Variants in RGS7 observed in about 807,000 individuals in gnomAD.
The protein encoded by RGS7 is regulator of G protein signaling 7.
RGS7 carries 27 observed loss-of-function variants against 81.1 expected under a neutral mutation model. The observed-to-expected ratio is 0.33, with a 90% confidence interval of 0.25 to 0.46. The LOEUF (loss-of-function observed/expected upper bound fraction) is 0.46. RGS7 is among the 20% of genes least tolerant of loss of function. RGS7 has a pLI of 1.00. For missense variants in RGS7, 396 were observed against 607.4 expected, an observed-to-expected ratio of 0.65 and a Z score of 3.66; for synonymous variants, 208 against 207.7, an observed-to-expected ratio of 1.00 and a Z score of -0.01.
intron 3 of RGS7, among the ~76,000 whole-genome samples, chr1:241,021,586 T>C (rs2059538793): frequency 6.6e-6 from 1 of 152,094 alleles, no homozygotes; most frequent in Non-Finnish European, 1.5e-5. Flanking sequence ...GCTGACTGAG[T>C]GTCATGTGGA....
intron 4 of RGS7, among the ~76,000 whole-genome samples, chr1:240,937,101 CCCA>C (rs1484600491): frequency 3.9e-5 from 6 of 152,188 alleles, no homozygotes; most frequent in Non-Finnish European, 1.5e-5. Flanking sequence ...CCTCTCCCTT[CCCA>C]CCTAATTAGC....
intron 15 of RGS7, among the ~76,000 whole-genome samples, chr1:240,805,283 C>T (rs907454140): frequency 2.0e-5 from 3 of 151,968 alleles, no homozygotes; most frequent in African/African-American, 4.8e-5. Context: ...ACTTGGGAGG[C>T]TGAGGTAGGA....
chr1:241,349,594 T>C (rs528701653), intron 2 of RGS7, among the ~76,000 whole-genome samples: 1 of 152,202 alleles, frequency 6.6e-6, no homozygotes, highest in South Asian at 2.1e-4. Context: ...CCAAGTTAAA[T>C]TTGCATGGCT....
At chr1:240,990,130 A>G (rs571882495) in intron 3 of RGS7, among the ~76,000 whole-genome samples, 100 of 152,230 alleles carry the variant, frequency 6.6e-4, no homozygotes, top group Non-Finnish European at 1.3e-3. Flanking sequence ...GTATCAGCCA[A>G]CTGTGGCAAG....
chr1:241,013,404 G>A (rs750487001), intron 3 of RGS7, among the ~76,000 whole-genome samples: 2 of 152,084 alleles, frequency 1.3e-5, no homozygotes, highest in Non-Finnish European at 2.9e-5. Context: ...TATGGCTCCT[G>A]TGTCCACATG....
At chr1:241,110,019 G>A (rs1463454884) in intron 2 of RGS7, among the ~76,000 whole-genome samples, 2 of 152,028 alleles carry the variant, frequency 1.3e-5, no homozygotes, top group East Asian at 1.9e-4. Flanking sequence ...AATATTAAAC[G>A]TTAAGTTCTT....
intron 2 of RGS7, among the ~76,000 whole-genome samples, chr1:241,318,008 C>G (rs548230061): frequency 6.6e-6 from 1 of 152,270 alleles, no homozygotes; most frequent in South Asian, 2.1e-4. Flanking sequence ...CTCCTGCCAT[C>G]TTGGTGCCCC....
At chr1:241,178,225 G>A (rs935133027) in intron 2 of RGS7, among the ~76,000 whole-genome samples, 35 of 152,126 alleles carry the variant, frequency 2.3e-4, no homozygotes, top group African/African-American at 8.4e-4. Context: ...CCAGGCATTT[G>A]AGATTGCAAT....
intron 2 of RGS7, among the ~76,000 whole-genome samples, chr1:241,302,023 G>C (rs1350532793): frequency 6.6e-6 from 1 of 152,190 alleles, no homozygotes; most frequent in African/African-American, 2.4e-5. Flanking sequence ...CAGAGCTGTG[G>C]GCAGAATGGG....
chr1:240,875,836 T>G (rs1665311503), intron 6 of RGS7, among the ~76,000 whole-genome samples: 1 of 152,200 alleles, frequency 6.6e-6, no homozygotes, highest in Admixed American at 6.5e-5. Context: ...TAGGTCTTCT[T>G]TTGAAAAATG....
intron 2 of RGS7, among the ~76,000 whole-genome samples, chr1:241,313,835 C>T (rs1254785940): frequency 1.3e-5 from 2 of 152,164 alleles, no homozygotes; most frequent in African/African-American, 4.8e-5. Context: ...CAGAAGTTTG[C>T]ATGAAGTTGA....
At chr1:241,294,363 A>C (rs2079267699) in intron 2 of RGS7, among the ~76,000 whole-genome samples, 1 of 152,156 alleles carries the variant, frequency 6.6e-6, no homozygotes, top group South Asian at 2.1e-4. Context: ...AGGTGCAGCA[A>C]ACCACCATGG....
At chr1:240,922,611 T>A (rs1673761383) in intron 6 of RGS7, among the ~76,000 whole-genome samples, 1 of 152,074 alleles carries the variant, frequency 6.6e-6, no homozygotes, top group South Asian at 2.1e-4. Flanking sequence ...CAAATATGCA[T>A]GTGAAGAGGT....
At chr1:241,073,797 C>T (rs1005836780) in intron 3 of RGS7, among the ~76,000 whole-genome samples, 2 of 152,144 alleles carry the variant, frequency 1.3e-5, no homozygotes, top group East Asian at 1.9e-4. Context: ...TTATAAATGC[C>T]GTCTTCCTTC....
At chr1:241,133,964 CAG>C (rs1276804854) in intron 2 of RGS7, among the ~76,000 whole-genome samples, 3 of 152,032 alleles carry the variant, frequency 2.0e-5, no homozygotes, top group African/African-American at 7.2e-5. Context: ...GAAAGGGAGA[CAG>C]AGAATGAATG....
intron 2 of RGS7, among the ~76,000 whole-genome samples, chr1:241,287,573 T>A (rs891883825): frequency 4.9e-4 from 74 of 152,316 alleles, no homozygotes; most frequent in African/African-American, 1.7e-3. Flanking sequence ...GGTATGTCTT[T>A]ATTAGCAGTG....
intron 2 of RGS7, among the ~76,000 whole-genome samples, chr1:241,221,496 A>G (rs1313743401): frequency 6.6e-6 from 1 of 152,252 alleles, no homozygotes; most frequent in Non-Finnish European, 1.5e-5. Flanking sequence ...TCACATCCAG[A>G]GCTGGTCAAT....
intron 5 of RGS7, among the ~76,000 whole-genome samples, chr1:240,933,169 A>G (rs2148359573): frequency 6.6e-6 from 1 of 151,796 alleles, no homozygotes; most frequent in East Asian, 1.9e-4. Flanking sequence ...GGTGTGAGCC[A>G]CCGCGCCCGG....
chr1:241,039,865 C>T (rs754180545), intron 3 of RGS7, among the ~76,000 whole-genome samples: 18 of 152,286 alleles, frequency 1.2e-4, no homozygotes, highest in Middle Eastern at 3.4e-3. Context: ...TTCAGGAACA[C>T]CCGCTTTGGA....
Sources: allele counts gnomAD v4.1 joint callset (sites outside exome capture counted in the v4.1 genomes callset), GRCh38; gene constraint gnomAD v4.1.1; transcripts MANE v1.5; gene names NCBI Gene and HGNC (gene_info 2026-07-23, HGNC 2026-07-21).